NELL1: variants seen among roughly 807,000 people sequenced by gnomAD.
NELL1 encodes the protein neural EGFL like 1.
NELL1 carries 76 observed loss-of-function variants against 107.4 expected under a neutral mutation model. The observed-to-expected ratio is 0.71, with a 90% confidence interval of 0.59 to 0.86. The LOEUF is 0.86. NELL1 is among the 40% of genes least tolerant of loss of function. The pLI, the probability that NELL1 is intolerant of heterozygous loss-of-function variation, is 0.00. For missense variants in NELL1, 1,024 were observed against 1,005.5 expected, an observed-to-expected ratio of 1.02 and a Z score of -0.25; for synonymous variants, 353 against 341.2, an observed-to-expected ratio of 1.03 and a Z score of -0.38.
chr11:21,547,360 C>T (rs78944145), intron 16 of NELL1, among the ~76,000 whole-genome samples: 1 of 151,246 alleles, frequency 6.6e-6, no homozygotes, highest in Non-Finnish European at 1.5e-5. Context: ...GTAGATGAAG[C>T]ACGTGCTTCA....
chr11:20,956,719 CTGTT>C (rs1209652067), intron 11 of NELL1, among the ~76,000 whole-genome samples: 8 of 151,970 alleles, frequency 5.3e-5, no homozygotes, highest in Admixed American at 3.9e-4. Flanking sequence ...GTGATTTATA[CTGTT>C]TGTTAGCTGC....
At chr11:21,227,762 A>G (rs1857931804) in intron 13 of NELL1, among the ~76,000 whole-genome samples, 1 of 152,122 alleles carries the variant, frequency 6.6e-6, no homozygotes, top group Non-Finnish European at 1.5e-5. Flanking sequence ...TTTCTTGCTG[A>G]CAGTTTGGGT....
At chr11:20,895,215 T>G (rs1242013776) in intron 5 of NELL1, among the ~76,000 whole-genome samples, 1 of 107,932 alleles carries the variant, frequency 9.3e-6, no homozygotes, top group East Asian at 3.0e-4. Context: ...GAGCTTGCAG[T>G]GAGCCGAGAT....
intron 2 of NELL1, among the ~76,000 whole-genome samples, chr11:20,713,301 G>T (rs1010496935): frequency 1.3e-5 from 2 of 152,132 alleles, no homozygotes; most frequent in African/African-American, 2.4e-5. Context: ...GATTTAGGCA[G>T]GTCTGGGCTC....
intron 5 of NELL1, among the ~76,000 whole-genome samples, chr11:20,900,232 A>G (rs1043427399): frequency 6.6e-6 from 1 of 152,106 alleles, no homozygotes; most frequent in Non-Finnish European, 1.5e-5. Flanking sequence ...ACTAGTTTAC[A>G]TGATCATGGA....
At chr11:20,791,490 C>T (rs1212354989) in intron 3 of NELL1, among the ~76,000 whole-genome samples, 9 of 152,110 alleles carry the variant, frequency 5.9e-5, no homozygotes, top group African/African-American at 1.9e-4. Flanking sequence ...TAGAATTTTT[C>T]CATATAAGAT....
rs187677695 is a variant in NELL1 at position 21,300,721 on chromosome 11, C to T, written c.1550-70132C>T. Reference sequence around the variant, plus strand: ...GTTGGACTACTGAATGAGATTCGCACCAATAACATTTTCAAATTAACTCCA... The same window carrying T: ...GTTGGACTACTGAATGAGATTCGCATCAATAACATTTTCAAATTAACTCCA... On this transcript the variant is annotated intron_variant, in intron 14 of 19. Transcript: ENST00000357134. Among the ~76,000 whole-genome samples the T allele has an allele frequency of 4.3e-4, 65 of 151,972 alleles. 1 individual carries two copies. The highest frequency in any genetic ancestry group is 1.4e-3 in the African/African-American group (57 of 41,476).
chr11:21,364,731 TAGAC>T (rs1398744537), intron 14 of NELL1, among the ~76,000 whole-genome samples: 1 of 152,142 alleles, frequency 6.6e-6, no homozygotes, highest in African/African-American at 2.4e-5. Flanking sequence ...ACTCAAATAA[TAGAC>T]AGGGCAAAAG....
chr11:21,421,197 T>C (rs1852659292), intron 15 of NELL1, among the ~76,000 whole-genome samples: 1 of 152,170 alleles, frequency 6.6e-6, no homozygotes, highest in African/African-American at 2.4e-5. Flanking sequence ...TATAAGGTAG[T>C]GGAATAGGTA....
chr11:20,967,181 A>C (rs1490010051), intron 12 of NELL1, among the ~76,000 whole-genome samples: 1 of 152,160 alleles, frequency 6.6e-6, no homozygotes. Context: ...CAGTTCATAG[A>C]AGCCCAGGGC....
At chr11:20,948,866 T>C (rs760008973) in intron 11 of NELL1, among the ~76,000 whole-genome samples, 1 of 151,762 alleles carries the variant, frequency 6.6e-6, no homozygotes, top group African/African-American at 2.4e-5. Flanking sequence ...GTAAGTGATA[T>C]CCTTTTAATC....
chr11:20,753,418 C>A (rs1856188202), intron 2 of NELL1, among the ~76,000 whole-genome samples: 1 of 102,962 alleles, frequency 9.7e-6, no homozygotes, highest in African/African-American at 3.0e-5. Flanking sequence ...AGAATACACT[C>A]ATATGTCATA....
At chr11:21,344,735 C>T (rs1026446059) in intron 14 of NELL1, among the ~76,000 whole-genome samples, 3 of 152,060 alleles carry the variant, frequency 2.0e-5, no homozygotes, top group African/African-American at 4.8e-5. Context: ...GCCAACGCAT[C>T]GGTTTTTCTA....
chr11:20,693,430 G>T (rs918930992), intron 2 of NELL1, among the ~76,000 whole-genome samples: 13 of 152,072 alleles, frequency 8.5e-5, no homozygotes, highest in African/African-American at 2.2e-4. Context: ...GGTACCGGTT[G>T]TGCCTTTCCA....
At chr11:21,021,575 T>G (rs1852701828) in intron 12 of NELL1, among the ~76,000 whole-genome samples, 1 of 152,110 alleles carries the variant, frequency 6.6e-6, no homozygotes, top group African/African-American at 2.4e-5. Context: ...GAGAAGCACC[T>G]GTGTAAATTG....
intron 15 of NELL1, among the ~76,000 whole-genome samples, chr11:21,398,472 T>G (rs1270068743): frequency 6.6e-6 from 1 of 151,730 alleles, no homozygotes; most frequent in African/African-American, 2.4e-5. Flanking sequence ...GTAGACACTT[T>G]TGTCTTGGTG....
chr11:21,236,244 C>T (rs1245223415), intron 14 of NELL1, among the ~76,000 whole-genome samples: 1 of 152,120 alleles, frequency 6.6e-6, no homozygotes, highest in Non-Finnish European at 1.5e-5. Context: ...TTGTAGTATT[C>T]AATGTATTAT....
chr11:21,006,762 G>C (rs1565011267), intron 12 of NELL1, among the ~76,000 whole-genome samples: 1 of 151,968 alleles, frequency 6.6e-6, no homozygotes, highest in Non-Finnish European at 1.5e-5. Flanking sequence ...TTGGAGTTTT[G>C]ACCACTGTGA....
intron 14 of NELL1, among the ~76,000 whole-genome samples, chr11:21,363,235 A>G (rs1851126196): frequency 6.6e-6 from 1 of 152,122 alleles, no homozygotes; most frequent in South Asian, 2.1e-4. Context: ...TAGTGAAGGG[A>G]TGGCTTCCTG....
Sources: allele counts gnomAD v4.1 joint callset (sites outside exome capture counted in the v4.1 genomes callset), GRCh38; gene constraint gnomAD v4.1.1; transcripts MANE v1.5; gene names NCBI Gene and HGNC (gene_info 2026-07-23, HGNC 2026-07-21).